The following STARD13 variants were observed in gnomAD, a reference collection of about 807,000 sequenced individuals.
STARD13 encodes the protein stAR-related lipid transfer protein 13.
In STARD13, 62 loss-of-function variants were observed where a neutral mutation model predicts 106.4. That is an observed-to-expected ratio of 0.58 (90% CI 0.48 to 0.72). STARD13 has a LOEUF of 0.72. Among genes scored for constraint, STARD13 ranks in the 30% least tolerant of loss-of-function variants. The pLI is 0.00. For synonymous variants in STARD13, 565 were observed against 553.0 expected (o/e 1.02, Z -0.31); for missense variants, 1,387 against 1,424.0 (o/e 0.97, Z 0.42).
In STARD13 at chr13:33,192,157, A is replaced by C. The variant is rs184491888; in HGVS notation, c.170-24535T>G. On this transcript the variant is annotated intron_variant, in intron 1 of 13. Transcript: ENST00000336934. The stretch of plus-strand genomic sequence containing the variant: ...ATTCATGAAATAGTTACTATTGAAA[A>C]AACAAAAGAACATTTCTAGAGCTTC... Among the ~76,000 whole-genome samples the C allele has an allele frequency of 1.6e-3, 238 of 152,372 alleles. 1 individual carries two copies. The highest frequency in any genetic ancestry group is 6.8e-3 in the Middle Eastern group (2 of 294).
intron 1 of STARD13, chr13:33,335,073 C>T (rs1195122749): frequency 6.5e-6 from 1 of 152,910 alleles, no homozygotes; most frequent in African/African-American, 2.4e-5. Flanking sequence ...GAGTAGGAGC[C>T]TGGACTCAAA....
chr13:33,185,214 A>G (rs1434211980), intron 1 of STARD13, among the ~76,000 whole-genome samples: 1 of 152,210 alleles, frequency 6.6e-6, no homozygotes, highest in Non-Finnish European at 1.5e-5. Context: ...TAAAGAACTG[A>G]GACACACGCA....
At chr13:33,395,728 T>C in the STARD13 span, among the ~76,000 whole-genome samples, 3 of 152,242 alleles carry the variant, frequency 2.0e-5, no homozygotes, top group Non-Finnish European at 1.5e-5. Context: ...TATTAACAAC[T>C]TTCTTAACTA....
chr13:33,673,550 C>CTTTTTTTTT, the STARD13 span, among the ~76,000 whole-genome samples: 2 of 137,180 alleles, frequency 1.5e-5, no homozygotes, highest in African/African-American at 6.0e-5. Context: ...ACTATTAACT[C>CTTTTTTTTT]TTTTTTTTTT....
intron 1 of STARD13, among the ~76,000 whole-genome samples, chr13:33,218,115 G>A (rs1888146997): frequency 6.6e-6 from 1 of 152,148 alleles, no homozygotes; most frequent in Non-Finnish European, 1.5e-5. Context: ...TTTACTGTAT[G>A]GCAAACATAC....
chr13:33,312,286 A>T (rs1408051080), intron 1 of STARD13, among the ~76,000 whole-genome samples: 1 of 152,026 alleles, frequency 6.6e-6, no homozygotes, highest in Admixed American at 6.6e-5. Flanking sequence ...TGTTCCTCTT[A>T]TTTTCTTTTT....
chr13:33,178,251 C>T (rs1884903171), intron 1 of STARD13, among the ~76,000 whole-genome samples: 1 of 152,124 alleles, frequency 6.6e-6, no homozygotes, highest in African/African-American at 2.4e-5. Flanking sequence ...AACAGATGTC[C>T]TTCTCAAACA....
the STARD13 span, among the ~76,000 whole-genome samples, chr13:33,525,341 C>T: frequency 6.6e-6 from 1 of 151,986 alleles, no homozygotes; most frequent in Non-Finnish European, 1.5e-5. Flanking sequence ...GTTTTTAAAA[C>T]TGAAGTAATA....
chr13:33,338,462 T>C (rs1280813294), intron 1 of STARD13, among the ~76,000 whole-genome samples: 1 of 152,178 alleles, frequency 6.6e-6, no homozygotes, highest in Non-Finnish European at 1.5e-5. Flanking sequence ...GAAATCATAG[T>C]TGACAGTCTT....
At chr13:33,127,290 C>T (rs1877319529) in intron 6 of STARD13, 83 bp downstream of exon 6, 1 of 1,425,422 alleles carries the variant, frequency 7.0e-7, no homozygotes, top group African/African-American at 1.5e-5. Context: ...TTTCAGATAT[C>T]ACAAAGTAAA....
chr13:33,218,159 G>A (rs1162809996), intron 1 of STARD13, among the ~76,000 whole-genome samples: 2 of 152,168 alleles, frequency 1.3e-5, no homozygotes, highest in Non-Finnish European at 2.9e-5. Flanking sequence ...GCAACACCCT[G>A]AGAGTTACCC....
intron 3 of STARD13, among the ~76,000 whole-genome samples, chr13:33,161,271 T>A (rs973245993): frequency 6.6e-6 from 1 of 151,688 alleles, no homozygotes; most frequent in Admixed American, 6.6e-5. Flanking sequence ...TAGAAGCTGC[T>A]AACAAGAGGA....
chr13:33,543,695 C>T, the STARD13 span, among the ~76,000 whole-genome samples: 1 of 152,152 alleles, frequency 6.6e-6, no homozygotes, highest in African/African-American at 2.4e-5. Context: ...CTTGTTAAAA[C>T]AGATTGCTGG....
At chr13:33,669,690 C>T in the STARD13 span, among the ~76,000 whole-genome samples, 82 of 152,020 alleles carry the variant, frequency 5.4e-4, no homozygotes, top group African/African-American at 1.8e-3. Context: ...CACCTGCCAC[C>T]GCACCCGGCT....
the STARD13 span, among the ~76,000 whole-genome samples, chr13:33,523,565 A>C: frequency 6.6e-6 from 1 of 152,136 alleles, no homozygotes; most frequent in African/African-American, 2.4e-5. Context: ...GTCAGGACTT[A>C]TGAAGGCCTA....
intron 3 of STARD13, among the ~76,000 whole-genome samples, chr13:33,152,340 TTTC>T (rs1354778020): frequency 6.6e-6 from 1 of 152,062 alleles, no homozygotes; most frequent in Non-Finnish European, 1.5e-5. Context: ...TTTCATTTTT[TTTC>T]TTCTTCTCTT....
chr13:33,132,445 A>C (rs892309294), intron 4 of STARD13, among the ~76,000 whole-genome samples: 1 of 152,202 alleles, frequency 6.6e-6, no homozygotes, highest in Admixed American at 6.5e-5. Context: ...GCCATGTAAG[A>C]TGTACCTTTT....
At chr13:33,532,441 G>C in the STARD13 span, among the ~76,000 whole-genome samples, 1 of 152,122 alleles carries the variant, frequency 6.6e-6, no homozygotes, top group Admixed American at 6.6e-5. Context: ...TAGGTGTATG[G>C]AGAACTCTCT....
At chr13:33,429,770 G>A in the STARD13 span, among the ~76,000 whole-genome samples, 1 of 152,162 alleles carries the variant, frequency 6.6e-6, no homozygotes. Flanking sequence ...AGGCTGGCAA[G>A]GGTAGCAGGG....
Sources: allele counts gnomAD v4.1 joint callset (sites outside exome capture counted in the v4.1 genomes callset), GRCh38; gene constraint gnomAD v4.1.1; transcripts MANE v1.5; gene names NCBI Gene and HGNC (gene_info 2026-07-23, HGNC 2026-07-21).